Variants in DOCK4 observed in about 807,000 individuals in gnomAD.
DOCK4 encodes the protein dedicator of cytokinesis 4, also known as dedicator of cytokinesis protein 4.
A neutral mutation model predicts 268.1 loss-of-function variants in DOCK4; 97 were observed. The ratio of observed to expected loss-of-function variants is 0.36; its 90% confidence interval spans 0.31 to 0.43. DOCK4 has a LOEUF of 0.43. DOCK4 is among the 20% of genes least tolerant of loss of function. The pLI is 1.00. For synonymous variants in DOCK4, 954 were observed against 887.2 expected (o/e 1.08, Z -1.34); for missense variants, 2,145 against 2,455.7 (o/e 0.87, Z 2.67).
At chr7:112,082,497 T>C (rs1290413353) in intron 1 of DOCK4, among the ~76,000 whole-genome samples, 2 of 152,190 alleles carry the variant, frequency 1.3e-5, no homozygotes, top group East Asian at 1.9e-4. Context: ...TGGCAACCCA[T>C]AGGCACGCTG....
At position 111,912,568 on chromosome 7, in the gene DOCK4, C is replaced by T. The variant is rs527438957; in HGVS notation, c.1192+3211G>A. On this transcript the variant is annotated intron_variant, in intron 13 of 52. Coordinates refer to ENST00000428084, the MANE Select transcript of DOCK4 (RefSeq NM_001363540.2). ...CCACAATAACCTGTGTAGCTTAGTC[C>T]TATTCTGAGGAGGGAGGAAGCAGAA... 6.9e-4 allele frequency among the ~76,000 whole-genome samples: 104 copies of T among 151,706 alleles called. 1 individual carries two copies. In the Middle Eastern group the frequency reaches 0.02, roughly 30 times the overall value.
At chr7:111,947,140 G>C (rs1455794757) in intron 8 of DOCK4, among the ~76,000 whole-genome samples, 1 of 152,162 alleles carries the variant, frequency 6.6e-6, no homozygotes, top group Non-Finnish European at 1.5e-5. Context: ...CAGGGAAATG[G>C]AGAGCAGGAC....
At chr7:111,950,123 C>T (rs1795937226) in intron 8 of DOCK4, among the ~76,000 whole-genome samples, 1 of 152,138 alleles carries the variant, frequency 6.6e-6, no homozygotes, top group African/African-American at 2.4e-5. Flanking sequence ...GACAGGGTTT[C>T]ACCATGTTGG....
chr7:111,766,849 TTAAA>T (rs1797789200), intron 38 of DOCK4, among the ~76,000 whole-genome samples, 179 bp downstream of exon 38: 1 of 152,230 alleles, frequency 6.6e-6, no homozygotes, highest in African/African-American at 2.4e-5. Context: ...CTTTTTTATA[TTAAA>T]TAAAAGCATT....
chr7:111,858,436 G>A (rs1805198534), intron 23 of DOCK4, among the ~76,000 whole-genome samples: 1 of 152,148 alleles, frequency 6.6e-6, no homozygotes, highest in African/African-American at 2.4e-5. Context: ...GAATAACCCT[G>A]GAATTGCTAG....
Position 111,784,081 on chromosome 7 carries a change from G to A in DOCK4, c.3428+16C>T. On this transcript the variant is annotated intron_variant, in intron 33 of 52. Coordinates refer to ENST00000428084, the MANE Select transcript of DOCK4 (RefSeq NM_001363540.2). ...CAACATCTCACAAGTAGCACAATTT[G>A]CAAACAATGTCTTACCTAGGATAGG... is the stretch of plus-strand genomic sequence containing the variant. The A allele has an allele frequency of 4.4e-6, 7 of 1,580,458 alleles. No individual in the cohort carries two copies. The highest frequency in any genetic ancestry group is 6.0e-6 in the Non-Finnish European group (7 of 1,166,948).
chr7:111,866,199 T>G (rs1805962197), intron 22 of DOCK4, among the ~76,000 whole-genome samples: 1 of 152,234 alleles, frequency 6.6e-6, no homozygotes, highest in Non-Finnish European at 1.5e-5. Context: ...AAAGAGAGCA[T>G]GGGATCAAAA....
At chr7:111,867,323 G>A (rs1481713288) in intron 22 of DOCK4, among the ~76,000 whole-genome samples, 1 of 152,082 alleles carries the variant, frequency 6.6e-6, no homozygotes, top group Admixed American at 6.5e-5. Flanking sequence ...CTTCTGACAG[G>A]TTTTTAACCA....
chr7:112,030,593 TGAGAAAAG>T (rs1323795421), intron 1 of DOCK4, among the ~76,000 whole-genome samples: 43 of 152,326 alleles, frequency 2.8e-4, no homozygotes, highest in African/African-American at 8.2e-4. Flanking sequence ...ATTTGGGCAA[TGAGAAAAG>T]TCTTAACAGA....
chr7:111,798,001 G>A (rs1377491575), intron 30 of DOCK4, among the ~76,000 whole-genome samples: 1 of 152,214 alleles, frequency 6.6e-6, no homozygotes, highest in Non-Finnish European at 1.5e-5. Context: ...GGACCAGAAG[G>A]AGGCCCAAAG....
At chr7:111,865,295 G>A (rs890208534) in intron 22 of DOCK4, among the ~76,000 whole-genome samples, 2 of 152,250 alleles carry the variant, frequency 1.3e-5, no homozygotes, top group African/African-American at 4.8e-5. Context: ...TCATTAGCAA[G>A]TTGCATTTGG....
chr7:112,028,907 C>T (rs1803035552), intron 1 of DOCK4, among the ~76,000 whole-genome samples: 1 of 152,220 alleles, frequency 6.6e-6, no homozygotes, highest in Non-Finnish European at 1.5e-5. Flanking sequence ...TTTTAGACCG[C>T]TAATTATTTA....
intron 37 of DOCK4, among the ~76,000 whole-genome samples, chr7:111,769,231 T>C (rs1456967405): frequency 2.0e-5 from 3 of 152,174 alleles, no homozygotes; most frequent in Admixed American, 6.5e-5. Context: ...CAAAGTGTAA[T>C]GAAAAGGTCA....
At chr7:111,728,759 T>A in intron 52 of DOCK4, 39 bp from the exon 53 acceptor site, 1 of 1,553,568 alleles carries the variant, frequency 6.4e-7, no homozygotes, top group Non-Finnish European at 8.7e-7. Context: ...AGACACAGCA[T>A]TGAGTCGTGA....
intron 1 of DOCK4, among the ~76,000 whole-genome samples, chr7:112,170,470 C>A (rs1033591916): frequency 5.1e-4 from 78 of 151,472 alleles, no homozygotes; most frequent in East Asian, 1.2e-3. Flanking sequence ...TAAAAAAAAA[C>A]CAGAAAAAGC....
Position 111,790,605 on chromosome 7 carries a change from C to T in DOCK4, c.3167G>A (p.Gly1056Glu), listed in dbSNP as rs200903684. The change falls in exon 31 of 53, where the codon GGA (glycine) becomes GAA (glutamate). Residue 1056 changes from glycine (G) to glutamate (E), a missense_variant and splice_region_variant. Gly to Glu is a moderately conservative substitution (Grantham distance 98, BLOSUM62 -2). Transcript: ENST00000428084. ...CEIFSMWQNL[G>E]EHKLHFIPAL... ...AGGGATAAAATGAAGCTTGTGCTCTCCTAAAGTGAGAAAAATATTTGAGTT... is the reference window on the plus strand; with the variant it reads ...AGGGATAAAATGAAGCTTGTGCTCTTCTAAAGTGAGAAAAATATTTGAGTT... 1,204 of 1,587,780 alleles carry T rather than the reference C, an allele frequency of 7.6e-4. 1 individual carries two copies. The highest frequency in any genetic ancestry group is 2.7e-3 in the Admixed American group (146 of 53,210).
chr7:111,741,242 TA>T, intron 46 of DOCK4, 28 bp from the exon 47 acceptor site: 1 of 1,611,854 alleles, frequency 6.2e-7, no homozygotes, highest in Non-Finnish European at 8.5e-7. Flanking sequence ...AAAAGGTCAT[TA>T]ACTCAGTCTC....
At chr7:111,775,235 G>A (rs963890006) in intron 36 of DOCK4, among the ~76,000 whole-genome samples, 1 of 152,180 alleles carries the variant, frequency 6.6e-6, no homozygotes. Flanking sequence ...CTAGAGGAAT[G>A]AGTAAATTCT....
At chr7:111,951,030 G>A (rs150363021) in intron 8 of DOCK4, among the ~76,000 whole-genome samples, 17 of 152,146 alleles carry the variant, frequency 1.1e-4, no homozygotes, top group East Asian at 9.6e-4. Context: ...CAATCTCTCC[G>A]CAGGAGAAAT....
Sources: gnomAD v4.1 joint callset for allele counts (sites outside exome capture counted in the v4.1 genomes callset) on GRCh38, gnomAD v4.1.1 for gene constraint, MANE v1.5 for transcripts, NCBI Gene and HGNC (gene_info 2026-07-23, HGNC 2026-07-21) for gene names.